TXNDC16: variants seen among roughly 807,000 people sequenced by gnomAD.
TXNDC16 encodes thioredoxin domain containing 16.
In TXNDC16, 74 loss-of-function variants were observed where a neutral mutation model predicts 85.6. That is an observed-to-expected ratio of 0.86 (90% CI 0.72 to 1.05). The LOEUF (loss-of-function observed/expected upper bound fraction) is 1.05. Among genes scored for constraint, TXNDC16 ranks in the 50% least tolerant of loss-of-function variants. The pLI is 0.00. For missense variants in TXNDC16, 959 were observed against 947.0 expected, an observed-to-expected ratio of 1.01 and a Z score of -0.17; for synonymous variants, 335 against 326.5, an observed-to-expected ratio of 1.03 and a Z score of -0.28.
At chr14:52,528,422 T>G (rs946249179) in intron 6 of TXNDC16, among the ~76,000 whole-genome samples, 3 of 152,140 alleles carry the variant, frequency 2.0e-5, no homozygotes, top group African/African-American at 7.2e-5. Flanking sequence ...AGTATTGGAT[T>G]TAGGTCAAAA....
intron 6 of TXNDC16, among the ~76,000 whole-genome samples, chr14:52,520,424 C>T (rs1413690712): frequency 1.3e-5 from 2 of 152,002 alleles, no homozygotes; most frequent in Non-Finnish European, 2.9e-5. Context: ...GAGATCAAGA[C>T]CACGGTGAAA....
At chr14:52,440,293 T>C (rs992950302) in intron 19 of TXNDC16, among the ~76,000 whole-genome samples, 4 of 152,222 alleles carry the variant, frequency 2.6e-5, no homozygotes, top group African/African-American at 9.6e-5. Context: ...TTTACTATTC[T>C]GTATTTGCCA....
chr14:52,439,892 A>C (rs747519892), intron 19 of TXNDC16, among the ~76,000 whole-genome samples: 41,101 of 152,064 alleles, frequency 0.27, 5,676 homozygotes, highest in East Asian at 0.39. Context: ...CTCTAAGTTA[A>C]AGATACTTAG....
At chr14:52,512,363 T>G (rs2036975766) in intron 8 of TXNDC16, among the ~76,000 whole-genome samples, 1 of 152,014 alleles carries the variant, frequency 6.6e-6, no homozygotes, top group African/African-American at 2.4e-5. Flanking sequence ...TGCTTCAAAT[T>G]AGGAAGGAGA....
At chr14:52,476,190 C>T (rs2036016662) in intron 14 of TXNDC16, among the ~76,000 whole-genome samples, 1 of 152,046 alleles carries the variant, frequency 6.6e-6, no homozygotes, top group African/African-American at 2.4e-5. Context: ...AGCCTTGAGC[C>T]CTAGACCTTC....
At chr14:52,476,198 T>A (rs985106444) in intron 14 of TXNDC16, among the ~76,000 whole-genome samples, 1 of 152,142 alleles carries the variant, frequency 6.6e-6, no homozygotes, top group Non-Finnish European at 1.5e-5. Context: ...GCCCTAGACC[T>A]TCCCTCTGAC....
chr14:52,530,286 A>C (rs1279217874), intron 6 of TXNDC16, among the ~76,000 whole-genome samples: 2 of 49,508 alleles, frequency 4.0e-5, no homozygotes, highest in Non-Finnish European at 6.5e-5. Flanking sequence ...TTAATATATA[A>C]TTATTATATA....
chr14:52,458,511 C>A (rs1208266340), intron 16 of TXNDC16, among the ~76,000 whole-genome samples: 1 of 152,096 alleles, frequency 6.6e-6, no homozygotes, highest in Non-Finnish European at 1.5e-5. Context: ...GAGCTGAGAT[C>A]ATGCCAGCCT....
chr14:52,491,345 CTTT>C (rs11337974), intron 9 of TXNDC16, among the ~76,000 whole-genome samples: 1 of 107,502 alleles, frequency 9.3e-6, no homozygotes, highest in Non-Finnish European at 1.8e-5. Flanking sequence ...CCATGCCTAG[CTTT>C]TTTTTTTTTT....
At chr14:52,473,752 A>G (rs1463868001) in intron 14 of TXNDC16, among the ~76,000 whole-genome samples, 1 of 152,224 alleles carries the variant, frequency 6.6e-6, no homozygotes, top group African/African-American at 2.4e-5. Flanking sequence ...GTATTATGTA[A>G]GTATAAAATT....
intron 6 of TXNDC16, among the ~76,000 whole-genome samples, chr14:52,534,137 T>G (rs2037646689): frequency 6.6e-6 from 1 of 150,870 alleles, no homozygotes; most frequent in South Asian, 2.1e-4. Context: ...ACAGCTGGAC[T>G]CCTCACTTTT....
At chr14:52,518,358 T>C (rs992267793) in intron 7 of TXNDC16, among the ~76,000 whole-genome samples, 1 of 152,226 alleles carries the variant, frequency 6.6e-6, no homozygotes, top group Admixed American at 6.5e-5. Flanking sequence ...ATAAGTATGA[T>C]GTCAAAAAGT....
At chr14:52,432,682 T>G in intron 20 of TXNDC16, 95 bp from the exon 21 acceptor site, 1 of 1,213,684 alleles carries the variant, frequency 8.2e-7, no homozygotes. Context: ...AATATATTTG[T>G]AGAAGTGAAA....
At chr14:52,542,639 T>C (rs1490281610) in intron 3 of TXNDC16, among the ~76,000 whole-genome samples, 186 bp from the exon 4 acceptor site, 2 of 152,170 alleles carry the variant, frequency 1.3e-5, no homozygotes, top group African/African-American at 4.8e-5. Context: ...TCTGTTTTTA[T>C]CATGATGTAC....
chr14:52,548,253 G>C (rs112600879), intron 1 of TXNDC16, among the ~76,000 whole-genome samples: 13,127 of 152,242 alleles, frequency 0.086, 628 homozygotes, highest in East Asian at 0.14. Flanking sequence ...TTTAAAGAAG[G>C]GGTCGGGGGC....
Position 52,499,195 on chromosome 14 carries a change from A to T in TXNDC16, c.757-8190T>A, listed in dbSNP as rs538383391. Among the ~76,000 whole-genome samples, 11 of 152,298 alleles carry T rather than the reference A, an allele frequency of 7.2e-5. No individual in the cohort carries two copies. In the South Asian group the frequency reaches 2.3e-3, roughly 32 times the overall value. On this transcript the variant is annotated intron_variant, in intron 9 of 20. Transcript: ENST00000281741. ...CTCATAATGGATTAAATACCTAAAC[A>T]TAAGACCTGAAAGTAAAACTCCTAA...
In TXNDC16 at chr14:52,490,451, C is replaced by G; in HGVS notation, c.924G>C (p.Arg308Ser). Reference protein sequence around the residue: ...LGKAGVLLLLRDSLEVNIPQD... With the variant: ...LGKAGVLLLLSDSLEVNIPQD... ...GAGGAATGTTCACTTCCAAAGAGTC[C>G]CTTTTTCAAAATGGAAATAAATGTT... is the stretch of plus-strand genomic sequence containing the variant. Residue 308 changes from arginine (R) to serine (S), a missense_variant and splice_region_variant, in exon 11 of 21, where the codon AGG (arginine) becomes AGC (serine). Arg to Ser is a moderately radical substitution (Grantham distance 110). Coordinates refer to ENST00000281741, the MANE Select transcript of TXNDC16 (RefSeq NM_020784.3). 6.3e-7 allele frequency: 1 copy of G among 1,595,484 alleles called. No homozygotes were observed. The highest frequency in any genetic ancestry group is 8.5e-7 in the Non-Finnish European group (1 of 1,173,260).
At chr14:52,466,111 C>T (rs1266177900) in intron 16 of TXNDC16, among the ~76,000 whole-genome samples, 4 of 150,754 alleles carry the variant, frequency 2.7e-5, no homozygotes, top group African/African-American at 7.3e-5. Flanking sequence ...CATTTTATTA[C>T]GTATGATGCA....
chr14:52,441,633 A>G (rs1438666080), intron 18 of TXNDC16, among the ~76,000 whole-genome samples: 1 of 151,896 alleles, frequency 6.6e-6, no homozygotes, highest in Admixed American at 6.6e-5. Flanking sequence ...AAACAAAAAC[A>G]AAAACAAGAT....
Sources: gnomAD v4.1 joint callset for allele counts (sites outside exome capture counted in the v4.1 genomes callset) on GRCh38, gnomAD v4.1.1 for gene constraint, MANE v1.5 for transcripts, NCBI Gene and HGNC (gene_info 2026-07-23, HGNC 2026-07-21) for gene names.